Variants in HOMER1 observed in about 807,000 individuals in gnomAD.
The protein encoded by HOMER1 is homer protein homolog 1.
A neutral mutation model predicts 48.9 loss-of-function variants in HOMER1; 3 were observed. The observed-to-expected ratio is 0.06, with a 90% CI of 0.03 to 0.16. The LOEUF (loss-of-function observed/expected upper bound fraction) is 0.16, where lower values mean the gene tolerates loss of function less well. HOMER1 is among the 10% of genes least tolerant of loss of function. The pLI is 1.00. For synonymous variants in HOMER1, 134 were observed against 146.4 expected (o/e 0.92, Z 0.61); for missense variants, 247 against 411.4 (o/e 0.60, Z 3.46).
At chr5:79,482,978 C>T (rs182252746) in intron 1 of HOMER1, among the ~76,000 whole-genome samples, 1 of 151,952 alleles carries the variant, frequency 6.6e-6, no homozygotes, top group Non-Finnish European at 1.5e-5. Context: ...ACTCCAGCCT[C>T]GACAACAGGT....
chr5:79,440,456 A>G (rs1174156537), intron 4 of HOMER1, among the ~76,000 whole-genome samples: 1 of 152,226 alleles, frequency 6.6e-6, no homozygotes, highest in African/African-American at 2.4e-5. Flanking sequence ...TTATCACTTA[A>G]CTATTTTTCA....
At chr5:79,426,670 G>T (rs1191162770) in intron 5 of HOMER1, among the ~76,000 whole-genome samples, 1 of 152,066 alleles carries the variant, frequency 6.6e-6, no homozygotes, top group African/African-American at 2.4e-5. Flanking sequence ...AGATAAAAAG[G>T]GGTTGGTTAA....
At chr5:79,384,680 C>T (rs1334238585) in intron 8 of HOMER1, among the ~76,000 whole-genome samples, 1 of 152,006 alleles carries the variant, frequency 6.6e-6, no homozygotes, top group Non-Finnish European at 1.5e-5. Flanking sequence ...AAAAACCAGA[C>T]AAAGATACAA....
At chr5:79,484,413 T>C (rs1420002754) in intron 1 of HOMER1, among the ~76,000 whole-genome samples, 2 of 152,066 alleles carry the variant, frequency 1.3e-5, no homozygotes, top group Admixed American at 6.5e-5. Context: ...ATGTACATGA[T>C]CTAAACACCC....
At chr5:79,381,351 A>G (rs1211267976) in intron 8 of HOMER1, among the ~76,000 whole-genome samples, 1 of 152,234 alleles carries the variant, frequency 6.6e-6, no homozygotes, top group East Asian at 1.9e-4. Flanking sequence ...TACAGGAAAG[A>G]ATCTTCCCCT....
chr5:79,485,744 C>T (rs1752081816), intron 1 of HOMER1, among the ~76,000 whole-genome samples: 1 of 152,122 alleles, frequency 6.6e-6, no homozygotes, highest in African/African-American at 2.4e-5. Context: ...GGTTAGTTTG[C>T]TAAAGAGTGG....
At chr5:79,427,915 T>TA (rs1750316161) in intron 5 of HOMER1, among the ~76,000 whole-genome samples, 1 of 152,118 alleles carries the variant, frequency 6.6e-6, no homozygotes, top group African/African-American at 2.4e-5. Flanking sequence ...TAAACCTCTT[T>TA]AAAAATCAGA....
At chr5:79,453,449 C>T (rs554109648) in intron 2 of HOMER1, among the ~76,000 whole-genome samples, 80 of 152,242 alleles carry the variant, frequency 5.3e-4, no homozygotes, top group African/African-American at 1.9e-3. Context: ...CCATTCTGAA[C>T]CTTTCCCTTG....
intron 5 of HOMER1, among the ~76,000 whole-genome samples, chr5:79,411,800 C>T (rs559572930): frequency 1.3e-5 from 2 of 152,184 alleles, no homozygotes; most frequent in Admixed American, 6.5e-5. Flanking sequence ...AAAAATATTC[C>T]GATACTCTTT....
intron 2 of HOMER1, among the ~76,000 whole-genome samples, chr5:79,454,704 T>A (rs887313321): frequency 7.2e-5 from 11 of 152,194 alleles, no homozygotes; most frequent in African/African-American, 2.4e-4. Context: ...TATCATCTAG[T>A]TAACCTAGTT....
chr5:79,509,270 T>A (rs1173756443), intron 1 of HOMER1, among the ~76,000 whole-genome samples: 1 of 152,184 alleles, frequency 6.6e-6, no homozygotes, highest in Non-Finnish European at 1.5e-5. Context: ...ACAGATTCCA[T>A]TAGCAGGGAG....
intron 5 of HOMER1, among the ~76,000 whole-genome samples, chr5:79,430,960 T>C (rs1053817480): frequency 6.6e-6 from 1 of 151,892 alleles, no homozygotes; most frequent in African/African-American, 2.4e-5. Flanking sequence ...TAAAACATGG[T>C]ATATTCATAG....
intron 8 of HOMER1, among the ~76,000 whole-genome samples, chr5:79,391,590 C>CA (rs1561345456): frequency 6.6e-6 from 1 of 151,266 alleles, no homozygotes; most frequent in Admixed American, 6.6e-5. Context: ...TAAAAAAATG[C>CA]AAAAAATTAG....
chr5:79,498,227 C>T (rs1313439677), intron 1 of HOMER1, among the ~76,000 whole-genome samples: 2 of 152,082 alleles, frequency 1.3e-5, no homozygotes, highest in Admixed American at 1.3e-4. Flanking sequence ...ATGGAGAAAC[C>T]CGTCTCTACT....
intron 5 of HOMER1, among the ~76,000 whole-genome samples, chr5:79,418,244 A>C (rs1259746800): frequency 6.6e-6 from 1 of 152,350 alleles, no homozygotes. Flanking sequence ...TGGAGATGAT[A>C]GTAAGTGAAT....
rs141969265 is a variant in HOMER1, at chr5:79,459,907, T to A, written c.6-2889A>T. On this transcript the variant is annotated intron_variant, in intron 1 of 8. Coordinates refer to ENST00000334082, the MANE Select transcript of HOMER1 (RefSeq NM_004272.5). Reference sequence around the variant, plus strand: ...GGTAAGTTTGAGTGCCTTTGAAGAATGAGGCTAGAATGAAAAAATAGAGAA... The same window carrying A: ...GGTAAGTTTGAGTGCCTTTGAAGAAAGAGGCTAGAATGAAAAAATAGAGAA... Among the ~76,000 whole-genome samples, 1,149 of 152,194 alleles carry A rather than the reference T, an allele frequency of 7.5e-3. 11 individuals carry two copies. The highest frequency in any genetic ancestry group is 0.014 in the Middle Eastern group (4 of 294).
intron 1 of HOMER1, among the ~76,000 whole-genome samples, chr5:79,480,383 G>C (rs1397238876): frequency 2.0e-5 from 3 of 152,080 alleles, no homozygotes; most frequent in African/African-American, 7.2e-5. Flanking sequence ...TTGGAGGAGG[G>C]GGCAGTTTAA....
At chr5:79,408,810 G>A (rs1440481232) in intron 5 of HOMER1, among the ~76,000 whole-genome samples, 2 of 123,936 alleles carry the variant, frequency 1.6e-5, no homozygotes, top group Non-Finnish European at 2.1e-5. Context: ...AGAGGCCAAG[G>A]GGGTGGCTCA....
chr5:79,448,026 G>C (rs773991415), intron 3 of HOMER1, among the ~76,000 whole-genome samples: 1 of 152,086 alleles, frequency 6.6e-6, no homozygotes, highest in Admixed American at 6.5e-5. Flanking sequence ...TCCATCTTGG[G>C]AAGAAAAATT....
Sources: gnomAD v4.1 joint callset for allele counts (sites outside exome capture counted in the v4.1 genomes callset) on GRCh38, gnomAD v4.1.1 for gene constraint, MANE v1.5 for transcripts, NCBI Gene and HGNC (gene_info 2026-07-23, HGNC 2026-07-21) for gene names.